CSMD1: variants seen among roughly 807,000 people sequenced by gnomAD.
CSMD1 encodes the protein CUB and Sushi multiple domains 1.
In CSMD1, 213 loss-of-function variants were observed where a neutral mutation model predicts 417.5. That is an observed-to-expected ratio of 0.51 (90% CI 0.46 to 0.57). The LOEUF (loss-of-function observed/expected upper bound fraction) is 0.57. Ranked by LOEUF, CSMD1 falls within the 20% of genes least tolerant of loss-of-function variation. The probability of loss-of-function intolerance (pLI) is 0.00; values close to 1 mark genes in which losing one functional copy is unlikely to be tolerated. For synonymous variants in CSMD1, 2,862 were observed against 1,736.8 expected, an observed-to-expected ratio of 1.65 and a Z score of -16.11; for missense variants, 6,923 against 4,529.7, an observed-to-expected ratio of 1.53 and a Z score of -15.17.
intron 2 of CSMD1, among the ~76,000 whole-genome samples, chr8:4,448,974 G>C (rs748833865): frequency 1.3e-5 from 2 of 152,096 alleles, no homozygotes; most frequent in East Asian, 3.9e-4. Flanking sequence ...GGATCCTAAG[G>C]TACAAATGGA....
chr8:4,537,473 C>A (rs1797157097), intron 2 of CSMD1, among the ~76,000 whole-genome samples: 1 of 152,178 alleles, frequency 6.6e-6, no homozygotes, highest in East Asian at 1.9e-4. Context: ...TGCTATAAGG[C>A]TAATAGTCAT....
At chr8:4,309,405 G>T in intron 3 of CSMD1, among the ~76,000 whole-genome samples, 1 of 151,904 alleles carries the variant, frequency 6.6e-6, no homozygotes, top group East Asian at 1.9e-4. Context: ...AAAAGCTTTG[G>T]AAATTTGAAA....
At chr8:3,349,157 C>G (rs942799600) in intron 21 of CSMD1, among the ~76,000 whole-genome samples, 1 of 152,156 alleles carries the variant, frequency 6.6e-6, no homozygotes, top group Non-Finnish European at 1.5e-5. Flanking sequence ...CAGTTAGATG[C>G]CAGGTATGTA....
chr8:4,697,985 A>T (rs1248845766), intron 1 of CSMD1, among the ~76,000 whole-genome samples: 4 of 152,212 alleles, frequency 2.6e-5, no homozygotes, highest in Non-Finnish European at 5.9e-5. Flanking sequence ...ATTCATTACC[A>T]TCTAGATCTT....
At chr8:3,356,102 C>T (rs1056154902) in intron 21 of CSMD1, among the ~76,000 whole-genome samples, 23 of 152,318 alleles carry the variant, frequency 1.5e-4, no homozygotes, top group African/African-American at 5.5e-4. Context: ...AAGTCAGACA[C>T]TTATTAGGGA....
At position 4,902,258 on chromosome 8, in the gene CSMD1, C is replaced by T. The variant is rs116161083; in HGVS notation, c.85+92074G>A. Among the ~76,000 whole-genome samples the T allele has an allele frequency of 5.8e-3, 869 of 149,540 alleles. 6 individuals carry two copies. Among genetic ancestry groups the T allele is most frequent in the African/African-American group, 0.019 (773 of 40,458 alleles). On this transcript the variant is annotated intron_variant, in intron 1 of 69. Transcript: ENST00000635120. ...GACTCCATCCATTAAAAAGACAAAA[C>T]ATCTCGCTCTATCTATTAAAAAAAA...
At chr8:4,224,071 A>G (rs1394480) in intron 3 of CSMD1, among the ~76,000 whole-genome samples, 152,053 of 152,236 alleles carry the variant, frequency 1, 75,935 homozygotes, top group Non-Finnish European at 1. Flanking sequence ...ACAGGGCTAA[A>G]GGCTGATGGA....
At chr8:3,727,953 G>C (rs144791439) in intron 6 of CSMD1, among the ~76,000 whole-genome samples, 1 of 152,260 alleles carries the variant, frequency 6.6e-6, no homozygotes, top group South Asian at 2.1e-4. Context: ...TATGGGTAAT[G>C]AGAGTTTAAT....
At chr8:4,971,780 C>A (rs4394419) in intron 1 of CSMD1, among the ~76,000 whole-genome samples, 1 of 151,370 alleles carries the variant, frequency 6.6e-6, no homozygotes, top group Non-Finnish European at 1.5e-5. Context: ...AAAATTAATA[C>A]AATTCTCATT....
intron 2 of CSMD1, among the ~76,000 whole-genome samples, chr8:4,501,458 C>G (rs749220667): frequency 1.3e-5 from 2 of 152,120 alleles, no homozygotes; most frequent in African/African-American, 4.8e-5. Flanking sequence ...TTCAAGAATA[C>G]TTTTCTCATG....
intron 3 of CSMD1, among the ~76,000 whole-genome samples, chr8:4,195,962 AAC>A (rs1799315910): frequency 6.6e-6 from 1 of 152,072 alleles, no homozygotes; most frequent in Admixed American, 6.6e-5. Flanking sequence ...CTGTAATCCC[AAC>A]ACTTTGGGGC....
chr8:4,302,827 A>T (rs1386061858), intron 3 of CSMD1, among the ~76,000 whole-genome samples: 1 of 152,132 alleles, frequency 6.6e-6, no homozygotes, highest in Non-Finnish European at 1.5e-5. Flanking sequence ...ACAGGGTCCT[A>T]GTGACCCTGT....
At chr8:4,122,509 C>T (rs1279960284) in intron 3 of CSMD1, among the ~76,000 whole-genome samples, 1 of 152,114 alleles carries the variant, frequency 6.6e-6, no homozygotes, top group Non-Finnish European at 1.5e-5. Context: ...TAAAAGAGAA[C>T]CAGAAAGTAC....
intron 52 of CSMD1, among the ~76,000 whole-genome samples, chr8:3,016,045 T>C (rs1015446518): frequency 2.0e-5 from 3 of 152,212 alleles, no homozygotes; most frequent in Middle Eastern, 3.2e-3. Flanking sequence ...GGTTTTATGA[T>C]GTTGGGCAAA....
intron 4 of CSMD1, among the ~76,000 whole-genome samples, chr8:4,013,295 C>G (rs559478635): frequency 6.6e-6 from 1 of 152,256 alleles, no homozygotes; most frequent in Admixed American, 6.5e-5. Context: ...GCCACACTGC[C>G]GTTGCTCTAT....
intron 1 of CSMD1, among the ~76,000 whole-genome samples, chr8:4,964,728 A>G (rs2117350777): frequency 6.6e-6 from 1 of 152,256 alleles, no homozygotes; most frequent in Non-Finnish European, 1.5e-5. Flanking sequence ...CCAAACTGAA[A>G]AAAAATGAAA....
At chr8:3,710,275 G>C (rs145241174) in intron 6 of CSMD1, among the ~76,000 whole-genome samples, 40 of 152,196 alleles carry the variant, frequency 2.6e-4, no homozygotes, top group African/African-American at 9.6e-4. Flanking sequence ...TGCTGCTCAA[G>C]GGTTAACTGT....
chr8:4,903,896 C>G (rs1412869848), intron 1 of CSMD1, among the ~76,000 whole-genome samples: 1 of 152,196 alleles, frequency 6.6e-6, no homozygotes, highest in Non-Finnish European at 1.5e-5. Context: ...GCCGATAATG[C>G]ATTTATTGAC....
intron 12 of CSMD1, among the ~76,000 whole-genome samples, chr8:3,426,309 C>A (rs546560693): frequency 6.6e-6 from 1 of 152,080 alleles, no homozygotes; most frequent in South Asian, 2.1e-4. Flanking sequence ...TTTTAAGTAC[C>A]AGAGGTTATT....
Sources: allele counts gnomAD v4.1 joint callset (sites outside exome capture counted in the v4.1 genomes callset), GRCh38; gene constraint gnomAD v4.1.1; transcripts MANE v1.5; gene names NCBI Gene and HGNC (gene_info 2026-07-23, HGNC 2026-07-21).